Variants in ZNF430 observed in about 807,000 individuals in gnomAD.
ZNF430 encodes the protein zinc finger protein 430.
In ZNF430, 35 loss-of-function variants were observed where a neutral mutation model predicts 56.7. The observed-to-expected ratio is 0.62, with a 90% CI of 0.47 to 0.82. ZNF430 has a LOEUF of 0.82. Among genes scored for constraint, ZNF430 ranks in the 40% least tolerant of loss-of-function variants. The pLI is 0.00. For synonymous variants in ZNF430, 212 were observed against 224.3 expected, an observed-to-expected ratio of 0.94 and a Z score of 0.49; for missense variants, 574 against 661.0, an observed-to-expected ratio of 0.87 and a Z score of 1.44.
chr19:21,033,803 C>A, intron 3 of ZNF430: 1 of 558,960 alleles, frequency 1.8e-6, no homozygotes, highest in Non-Finnish European at 2.9e-6. Context: ...ATCCTTCACT[C>A]TAGATTAGTG....
At chr19:21,047,092 A>G (rs931535989) in intron 4 of ZNF430, among the ~76,000 whole-genome samples, 1 of 152,016 alleles carries the variant, frequency 6.6e-6, no homozygotes, top group East Asian at 1.9e-4. Flanking sequence ...ATTGTCTTCA[A>G]GCTCTGAAGT....
chr19:21,042,670 C>T (rs1203273739), intron 4 of ZNF430, among the ~76,000 whole-genome samples: 3 of 152,034 alleles, frequency 2.0e-5, no homozygotes, highest in East Asian at 1.9e-4. Flanking sequence ...CGCCTGTGGT[C>T]CCCGCTACTT....
intron 1 of ZNF430, 52 bp downstream of exon 1, chr19:21,020,855 G>T (rs777665191): frequency 3.7e-6 from 6 of 1,612,602 alleles, no homozygotes; most frequent in Middle Eastern, 1.7e-4. Context: ...TGGTTGTAAT[G>T]GGTGGGAAGT....
chr19:21,047,478 C>T (rs1336497032), intron 4 of ZNF430, among the ~76,000 whole-genome samples: 2 of 152,176 alleles, frequency 1.3e-5, no homozygotes, highest in Admixed American at 1.3e-4. Flanking sequence ...GTTTTTCTAG[C>T]TTCGATCTTT....
In ZNF430 at chr19:21,059,715, C is replaced by T. The variant is rs1054282669; in HGVS notation, c.*1694C>T. The T allele has an allele frequency of 2.0e-5, 3 of 151,950 alleles. No homozygotes were observed. The highest frequency in any genetic ancestry group is 2.0e-4 in the Admixed American group (3 of 15,236). The allele number at this position is 151,950 out of a possible 1,614,324, so 9.4% of individuals were successfully genotyped here. On this transcript the variant is annotated 3_prime_UTR_variant, in exon 5 of 5. Coordinates refer to ENST00000261560, the MANE Select transcript of ZNF430 (RefSeq NM_025189.4). ...ATGTAATTCAACTCTCAAAATATTT[C>T]CTACTGTTTCTTTATTCCAGTTGTA...
intron 2 of ZNF430, among the ~76,000 whole-genome samples, chr19:21,027,298 CATT>C (rs1421750900): frequency 1.3e-5 from 2 of 152,088 alleles, no homozygotes; most frequent in Non-Finnish European, 2.9e-5. Context: ...GTTGATGTCT[CATT>C]GTTTTGAAGT....
intron 4 of ZNF430, among the ~76,000 whole-genome samples, chr19:21,039,531 A>G (rs1014121755): frequency 1.1e-4 from 17 of 149,976 alleles, no homozygotes; most frequent in African/African-American, 3.9e-4. Flanking sequence ...CAATGGTGTG[A>G]TCTTGGCTCA....
rs769529300 is a variant in ZNF430, at chr19:21,057,432, G to A, written c.1124G>A (p.Cys375Tyr). 2.2e-5 allele frequency: 35 copies of A among 1,613,522 alleles called. No homozygotes were observed. The highest frequency in any genetic ancestry group is 2.8e-5 in the Non-Finnish European group (33 of 1,179,966). Reference protein sequence around the residue: ...IIHAGEKPYKCEECGKAFYRF... With the variant: ...IIHAGEKPYKYEECGKAFYRF... ...CATGCTGGAGAGAAACCTTACAAATGTGAAGAATGTGGCAAAGCTTTTTAC... is the reference window on the plus strand; with the variant it reads ...CATGCTGGAGAGAAACCTTACAAATATGAAGAATGTGGCAAAGCTTTTTAC... The change falls in exon 5 of 5, where the codon TGT becomes TAT. Residue 375 changes from cysteine (C) to tyrosine (Y), a missense_variant. By Grantham distance (194) the Cys-to-Tyr change is radical. Around this residue, in one of 3 missense-constraint regions of ZNF430, gnomAD observed 15 missense variants for 40.9 expected, o/e 0.37. Coordinates refer to ENST00000261560, the MANE Select transcript of ZNF430 (RefSeq NM_025189.4).
chr19:21,051,197 G>A (rs1968277536), intron 4 of ZNF430, among the ~76,000 whole-genome samples: 1 of 152,004 alleles, frequency 6.6e-6, no homozygotes, highest in South Asian at 2.1e-4. Context: ...CTCTTTCTAA[G>A]AGTGTAACTG....
chr19:21,037,032 T>C (rs528588069), intron 4 of ZNF430, among the ~76,000 whole-genome samples: 2 of 148,000 alleles, frequency 1.4e-5, no homozygotes, highest in African/African-American at 2.5e-5. Context: ...GGAATCATAC[T>C]GTATCCATCA....
Position 21,057,973 on chromosome 19 carries a change from C to T in ZNF430, c.1665C>T (p.Asn555=), listed in dbSNP as rs1335736679. 2 of 1,608,848 alleles carry T rather than the reference C, an allele frequency of 1.2e-6. No homozygotes were observed. Among genetic ancestry groups the T allele is most frequent in the South Asian group, 1.1e-5 (1 of 90,460 alleles). Residue 555 remains asparagine (N), a synonymous_variant, in exon 5 of 5, where the codon AAC becomes AAT. Coordinates refer to ENST00000261560, the MANE Select transcript of ZNF430 (RefSeq NM_025189.4). The stretch of plus-strand genomic sequence containing the variant: ...GCAAAGCTTTCAACCAGTCCTCAAA[C>T]CTTATTGAACAAAGTAATTCATACT... ...EYGKAFNQSS[N]LIEQSNSYWR... is the part of the protein sequence containing the mutation.
chr19:21,038,789 A>G (rs1236740330), intron 4 of ZNF430, among the ~76,000 whole-genome samples: 1 of 152,216 alleles, frequency 6.6e-6, no homozygotes. Flanking sequence ...GTGTTTGGCT[A>G]TAGTTCATAA....
At chr19:21,030,590 T>TAAA (rs1568584862) in intron 2 of ZNF430, among the ~76,000 whole-genome samples, 1 of 151,980 alleles carries the variant, frequency 6.6e-6, no homozygotes, top group Non-Finnish European at 1.5e-5. Flanking sequence ...AAATTTAAGA[T>TAAA]GGAGATTGGT....
At chr19:21,029,283 C>T (rs1320657202) in intron 2 of ZNF430, among the ~76,000 whole-genome samples, 1 of 152,116 alleles carries the variant, frequency 6.6e-6, no homozygotes, top group Admixed American at 6.5e-5. Context: ...TATATTGTTA[C>T]TTCTGATACC....
At chr19:21,026,827 CTTTTTTTTT>C (rs747809260) in intron 2 of ZNF430, among the ~76,000 whole-genome samples, 1 of 68,716 alleles carries the variant, frequency 1.5e-5, no homozygotes, top group Non-Finnish European at 2.5e-5. Flanking sequence ...CTTTTCTTTT[CTTTTTTTTT>C]TTTTTTTTTT....
chr19:21,041,568 A>C (rs10412688), intron 4 of ZNF430, among the ~76,000 whole-genome samples: 104,991 of 152,082 alleles, frequency 0.69, 40,189 homozygotes, highest in East Asian at 0.87. Flanking sequence ...TACATAGGTA[A>C]ACATGTCCCA....
Position 21,039,547 on chromosome 19 carries a change from A to G in ZNF430, c.322+5363A>G, listed in dbSNP as rs571352145. Among the ~76,000 whole-genome samples the G allele has an allele frequency of 9.1e-4, 137 of 150,542 alleles. 2 individuals are homozygous for G. In the South Asian group the frequency reaches 0.015, roughly 17 times the overall value. On this transcript the variant is annotated intron_variant, in intron 4 of 4. Coordinates refer to ENST00000261560, the MANE Select transcript of ZNF430 (RefSeq NM_025189.4). ...AATGGTGTGATCTTGGCTCACTGCA[A>G]ACTCCGCCTCACAGGTTCAAGCAAT... is the stretch of plus-strand genomic sequence containing the variant.
chr19:21,027,697 T>C (rs1443396236), intron 2 of ZNF430, among the ~76,000 whole-genome samples: 3 of 152,182 alleles, frequency 2.0e-5, no homozygotes, highest in Non-Finnish European at 4.4e-5. Flanking sequence ...TATTTTGAAG[T>C]ATTTTTAGTA....
intron 1 of ZNF430, 91 bp downstream of exon 1, chr19:21,020,894 A>C (rs1396233230): frequency 9.6e-6 from 15 of 1,557,912 alleles, no homozygotes; most frequent in African/African-American, 1.4e-5. Flanking sequence ...GCCTCCCGGC[A>C]GTCAGCTGCA....
Sources: gnomAD v4.1 joint callset for allele counts (sites outside exome capture counted in the v4.1 genomes callset) on GRCh38, gnomAD v4.1.1 for gene constraint, gnomAD v4.1.1 regional missense constraint, MANE v1.5 for transcripts, NCBI Gene and HGNC (gene_info 2026-07-23, HGNC 2026-07-21) for gene names.